Variants in HDAC9 observed in about 807,000 individuals in gnomAD.
The protein encoded by HDAC9 is histone deacetylase 9, also known as MEF-2 interacting transcription repressor (MITR) protein.
A neutral mutation model predicts 139.4 loss-of-function variants in HDAC9; 41 were observed. That is an observed-to-expected ratio of 0.29 (90% CI 0.23 to 0.38). The LOEUF (loss-of-function observed/expected upper bound fraction) is 0.38. Among genes scored for constraint, HDAC9 ranks in the 10% least tolerant of loss-of-function variants. The pLI is 1.00. For missense variants in HDAC9, 1,147 were observed against 1,297.0 expected, an observed-to-expected ratio of 0.88 and a Z score of 1.78; for synonymous variants, 517 against 476.2, an observed-to-expected ratio of 1.09 and a Z score of -1.12.
intron 1 of HDAC9, among the ~76,000 whole-genome samples, chr7:18,460,867 C>G (rs1484292255): frequency 6.6e-6 from 1 of 150,888 alleles, no homozygotes; most frequent in African/African-American, 2.4e-5. Flanking sequence ...ACTATGTTTT[C>G]CTGTAAGGTA....
chr7:18,378,143 A>G (rs1461900923), intron 1 of HDAC9, among the ~76,000 whole-genome samples: 1 of 152,200 alleles, frequency 6.6e-6, no homozygotes, highest in East Asian at 1.9e-4. Context: ...CAGTGACCCC[A>G]TACTGATAGC....
intron 1 of HDAC9, among the ~76,000 whole-genome samples, chr7:18,306,895 T>C (rs141029020): frequency 2.0e-5 from 3 of 152,200 alleles, no homozygotes; most frequent in African/African-American, 7.2e-5. Flanking sequence ...ATTCTCCATG[T>C]CTGTTTCCAA....
chr7:18,174,391 G>A (rs1258092994), intron 2 of HDAC9, among the ~76,000 whole-genome samples: 1 of 152,102 alleles, frequency 6.6e-6, no homozygotes, highest in African/African-American at 2.4e-5. Flanking sequence ...CGATGGGTTC[G>A]AACATCCTCC....
chr7:18,140,331 A>T (rs1256622195), intron 1 of HDAC9, among the ~76,000 whole-genome samples: 1 of 152,044 alleles, frequency 6.6e-6, no homozygotes, highest in African/African-American at 2.4e-5. Context: ...GAAATTGTGG[A>T]TATTGTTGTA....
intron 1 of HDAC9, among the ~76,000 whole-genome samples, chr7:18,098,355 A>G (rs77748336): frequency 6.6e-6 from 1 of 152,208 alleles, no homozygotes; most frequent in Non-Finnish European, 1.5e-5. Context: ...AGTAGTATGT[A>G]ATGGTTATAG....
At chr7:18,158,256 A>T (rs1016164481) in intron 1 of HDAC9, among the ~76,000 whole-genome samples, 1 of 152,192 alleles carries the variant, frequency 6.6e-6, no homozygotes, top group Non-Finnish European at 1.5e-5. Flanking sequence ...TGTTCAAGGA[A>T]CATGAAGTCT....
chr7:18,251,458 G>A (rs1218686703), intron 2 of HDAC9, among the ~76,000 whole-genome samples: 6 of 152,104 alleles, frequency 3.9e-5, no homozygotes. Flanking sequence ...GACCACCATG[G>A]TACACATTTA....
At chr7:18,331,466 ACTAC>A (rs2128647481) in intron 1 of HDAC9, among the ~76,000 whole-genome samples, 1 of 151,818 alleles carries the variant, frequency 6.6e-6, no homozygotes, top group Non-Finnish European at 1.5e-5. Flanking sequence ...GGAATATAGC[ACTAC>A]CTTTTATTAG....
At chr7:18,542,169 G>A (rs137935261) in intron 2 of HDAC9, among the ~76,000 whole-genome samples, 293 of 152,236 alleles carry the variant, frequency 1.9e-3, no homozygotes, top group African/African-American at 5.6e-3. Context: ...CACTGATCTC[G>A]ATGTTCTATA....
At chr7:18,655,860 A>G (rs1339430989) in intron 11 of HDAC9, among the ~76,000 whole-genome samples, 4 of 152,156 alleles carry the variant, frequency 2.6e-5, no homozygotes, top group Non-Finnish European at 5.9e-5. Context: ...GAATTAAACC[A>G]CGTGAATTGT....
intron 23 of HDAC9, among the ~76,000 whole-genome samples, chr7:18,951,982 G>GC (rs1782830473): frequency 6.6e-6 from 1 of 151,658 alleles, no homozygotes; most frequent in Non-Finnish European, 1.5e-5. Flanking sequence ...ATTATCCATT[G>GC]CATACCTGCC....
chr7:18,308,236 A>G (rs528433939), intron 1 of HDAC9, among the ~76,000 whole-genome samples: 63 of 152,254 alleles, frequency 4.1e-4, no homozygotes, highest in Non-Finnish European at 6.9e-4. Context: ...AACTAGGTTA[A>G]TTAAAATGTG....
At chr7:18,111,331 G>A (rs2128083379) in intron 1 of HDAC9, among the ~76,000 whole-genome samples, 1 of 152,212 alleles carries the variant, frequency 6.6e-6, no homozygotes, top group East Asian at 1.9e-4. Context: ...AGTCATTAGT[G>A]AGATTGCCCA....
intron 6 of HDAC9, among the ~76,000 whole-genome samples, chr7:18,595,750 A>G (rs1238604846): frequency 6.6e-6 from 1 of 152,050 alleles, no homozygotes; most frequent in Non-Finnish European, 1.5e-5. Context: ...TGCAGAACTG[A>G]TAACTGACTT....
intron 1 of HDAC9, among the ~76,000 whole-genome samples, chr7:18,142,256 A>T (rs760886848): frequency 6.6e-6 from 1 of 152,178 alleles, no homozygotes; most frequent in Non-Finnish European, 1.5e-5. Flanking sequence ...ATTTGGCCCA[A>T]ATAAGTAACT....
intron 11 of HDAC9, among the ~76,000 whole-genome samples, chr7:18,652,330 A>C (rs901766870): frequency 6.6e-6 from 1 of 152,114 alleles, no homozygotes; most frequent in Admixed American, 6.6e-5. Flanking sequence ...AACAAAAAGT[A>C]ATAAGGTATT....
At chr7:18,988,678 T>C in intron 25 of HDAC9, among the ~76,000 whole-genome samples, 1 of 151,728 alleles carries the variant, frequency 6.6e-6, no homozygotes, top group Non-Finnish European at 1.5e-5. Context: ...AAGTCTCCCA[T>C]TATTAATGTG....
chr7:18,685,455 A>T (rs1782202243), intron 12 of HDAC9, among the ~76,000 whole-genome samples: 1 of 152,048 alleles, frequency 6.6e-6, no homozygotes, highest in South Asian at 2.1e-4. Context: ...CCTGATCTTC[A>T]TCGAAAGACT....
At chr7:18,877,693 T>C (rs765450685) in intron 22 of HDAC9, among the ~76,000 whole-genome samples, 30 of 152,334 alleles carry the variant, frequency 2.0e-4, no homozygotes, top group Non-Finnish European at 3.5e-4. Context: ...TGTTTGTTTT[T>C]AAACATTGTT....
Sources: gnomAD v4.1 joint callset for allele counts (sites outside exome capture counted in the v4.1 genomes callset) on GRCh38, gnomAD v4.1.1 for gene constraint, MANE v1.5 for transcripts, NCBI Gene and HGNC (gene_info 2026-07-23, HGNC 2026-07-21) for gene names.